The following PTPRD variants were observed in gnomAD, a reference collection of about 807,000 sequenced individuals.
PTPRD encodes receptor-type tyrosine-protein phosphatase delta.
A neutral mutation model predicts 214.5 loss-of-function variants in PTPRD; 34 were observed. The ratio of observed to expected loss-of-function variants is 0.16; its 90% CI spans 0.12 to 0.21. PTPRD has a LOEUF of 0.21. Among genes scored for constraint, PTPRD ranks in the 10% least tolerant of loss-of-function variants. PTPRD has a pLI of 1.00. For synonymous variants in PTPRD, 1,128 were observed against 845.7 expected, an observed-to-expected ratio of 1.33 and a Z score of -5.79; for missense variants, 2,545 against 2,398.7, an observed-to-expected ratio of 1.06 and a Z score of -1.27.
chr9:9,293,392 T>C (rs1430215617), intron 9 of PTPRD, among the ~76,000 whole-genome samples: 1 of 150,972 alleles, frequency 6.6e-6, no homozygotes, highest in Non-Finnish European at 1.5e-5. Flanking sequence ...GTTTGTTCTT[T>C]TTTTTTTTGC....
At chr9:8,954,042 T>A (rs2099118188) in intron 11 of PTPRD, among the ~76,000 whole-genome samples, 2 of 151,994 alleles carry the variant, frequency 1.3e-5, no homozygotes, top group African/African-American at 4.8e-5. Context: ...ACACATGCAC[T>A]CATATGTTCA....
intron 11 of PTPRD, among the ~76,000 whole-genome samples, chr9:8,891,137 A>ATTTTTTTTTTTTTTTTTTTTTTT (rs761564011): frequency 8.9e-5 from 11 of 123,620 alleles, no homozygotes; most frequent in African/African-American, 3.5e-4. Flanking sequence ...AATTAATCTA[A>ATTTTTTTTTTTTTTTTTTTTTTT]TTTTTTTTTT....
chr9:10,037,969 T>C (rs530993593), intron 3 of PTPRD, among the ~76,000 whole-genome samples: 1 of 152,282 alleles, frequency 6.6e-6, no homozygotes, highest in South Asian at 2.1e-4. Context: ...TCCAAACCTT[T>C]CATCACACCT....
Position 9,679,556 on chromosome 9 carries a change from C to T in PTPRD, c.-287+54977G>A, listed in dbSNP as rs530488038. ...CCTCTGTGTTTAAATAATAATTTAC[C>T]GAGGAATGCTTTAAACAGCATCACA... On this transcript the variant is annotated intron_variant, in intron 7 of 45. Transcript: ENST00000381196. Among the ~76,000 whole-genome samples the T allele has an allele frequency of 1.6e-4, 24 of 151,788 alleles. No individual in the cohort carries two copies. The Middle Eastern group carries it at 0.01, about 65-fold the overall frequency.
At chr9:9,418,945 G>C (rs995554552) in intron 8 of PTPRD, among the ~76,000 whole-genome samples, 1 of 151,848 alleles carries the variant, frequency 6.6e-6, no homozygotes, top group Admixed American at 6.6e-5. Flanking sequence ...TTAATAAGCA[G>C]AAAGAGTGTA....
In PTPRD at chr9:8,969,670, G is replaced by T. The variant is rs376106178; in HGVS notation, c.-104+49027C>A. Among the ~76,000 whole-genome samples, 99 of 151,896 alleles carry T rather than the reference G, an allele frequency of 6.5e-4. No homozygotes were observed. The East Asian group carries it at 0.013, about 20-fold the overall frequency. ...ATTAGGGGAGAGAAATGGGAATGGG[G>T]AATGAAGAAAAAAGAGAATAAATAA... is the stretch of plus-strand genomic sequence containing the variant. On this transcript the variant is annotated intron_variant, in intron 11 of 45. Transcript: ENST00000381196.
At chr9:10,095,631 T>G (rs73392168) in intron 3 of PTPRD, among the ~76,000 whole-genome samples, 1,666 of 151,708 alleles carry the variant, frequency 0.011, 31 homozygotes, top group African/African-American at 0.036. Context: ...GCATAGATTT[T>G]ATTAACCTAA....
chr9:8,464,184 T>A (rs910041141), intron 32 of PTPRD, among the ~76,000 whole-genome samples: 1 of 151,954 alleles, frequency 6.6e-6, no homozygotes, highest in Non-Finnish European at 1.5e-5. Flanking sequence ...TTTCTCTTCT[T>A]TGCTAGATTC....
At chr9:9,465,840 A>T (rs2094106943) in intron 8 of PTPRD, among the ~76,000 whole-genome samples, 1 of 151,982 alleles carries the variant, frequency 6.6e-6, no homozygotes, top group Non-Finnish European at 1.5e-5. Flanking sequence ...TGCTATTGGT[A>T]AGGAGGTGGG....
intron 2 of PTPRD, among the ~76,000 whole-genome samples, chr9:10,459,336 T>C (rs755014899): frequency 5.3e-5 from 8 of 152,208 alleles, no homozygotes; most frequent in Non-Finnish European, 8.8e-5. Flanking sequence ...CTTTGCTGAA[T>C]TGTGAATTGT....
At chr9:8,616,315 G>A (rs888217240) in intron 14 of PTPRD, among the ~76,000 whole-genome samples, 1 of 152,188 alleles carries the variant, frequency 6.6e-6, no homozygotes, top group African/African-American at 2.4e-5. Context: ...GTTGTAACAT[G>A]GCAGATGAGC....
chr9:9,279,417 G>A (rs1946857374), intron 9 of PTPRD, among the ~76,000 whole-genome samples: 1 of 148,696 alleles, frequency 6.7e-6, no homozygotes, highest in African/African-American at 2.5e-5. Flanking sequence ...GAATGCATTC[G>A]GTGCTACTGG....
At chr9:10,507,079 G>A (rs866896164) in intron 2 of PTPRD, among the ~76,000 whole-genome samples, 3 of 152,022 alleles carry the variant, frequency 2.0e-5, no homozygotes, top group South Asian at 4.1e-4. Flanking sequence ...TCCTTAAGTT[G>A]ATAAGCAACT....
At chr9:8,938,492 G>C (rs193243160) in intron 11 of PTPRD, among the ~76,000 whole-genome samples, 1 of 152,194 alleles carries the variant, frequency 6.6e-6, no homozygotes, top group East Asian at 1.9e-4. Context: ...CTTTGAGCTT[G>C]TCAGGGTGTG....
At chr9:8,863,545 G>A (rs1265900128) in intron 11 of PTPRD, among the ~76,000 whole-genome samples, 1 of 152,166 alleles carries the variant, frequency 6.6e-6, no homozygotes. Context: ...GATTTGTCAA[G>A]AAGGCCCATT....
chr9:8,662,426 T>C (rs752305134), intron 12 of PTPRD, among the ~76,000 whole-genome samples: 1 of 152,182 alleles, frequency 6.6e-6, no homozygotes, highest in Non-Finnish European at 1.5e-5. Context: ...CTGCTGCTGG[T>C]TATGTTCATG....
intron 3 of PTPRD, among the ~76,000 whole-genome samples, chr9:10,049,257 G>A (rs1166793829): frequency 6.6e-6 from 1 of 152,016 alleles, no homozygotes; most frequent in Non-Finnish European, 1.5e-5. Flanking sequence ...TTCCAGGACA[G>A]ACATTTAACA....
intron 9 of PTPRD, among the ~76,000 whole-genome samples, chr9:9,206,456 T>A (rs2099944919): frequency 6.6e-6 from 1 of 152,146 alleles, no homozygotes; most frequent in Non-Finnish European, 1.5e-5. Context: ...ATATTGAGTG[T>A]CAACTTGATT....
intron 2 of PTPRD, among the ~76,000 whole-genome samples, chr9:10,382,479 A>G (rs778552360): frequency 1.3e-5 from 2 of 152,044 alleles, no homozygotes; most frequent in South Asian, 2.1e-4. Context: ...TACCTCGTCT[A>G]TGAAGAATTA....
Sources: gnomAD v4.1 joint callset for allele counts (sites outside exome capture counted in the v4.1 genomes callset) on GRCh38, gnomAD v4.1.1 for gene constraint, MANE v1.5 for transcripts, NCBI Gene and HGNC (gene_info 2026-07-23, HGNC 2026-07-21) for gene names.